The following NEXN variants were observed in gnomAD, a reference collection of about 807,000 sequenced individuals.
The protein encoded by NEXN is nexilin F-actin binding protein, also known as nexilin.
A neutral mutation model predicts 92.6 loss-of-function variants in NEXN; 65 were observed. The ratio of observed to expected loss-of-function variants is 0.70; its 90% CI spans 0.57 to 0.86. NEXN has a LOEUF of 0.86. NEXN is among the 40% of genes least tolerant of loss of function. The pLI is 0.00. For synonymous variants in NEXN, 254 were observed against 242.5 expected, an observed-to-expected ratio of 1.05 and a Z score of -0.44; for missense variants, 778 against 771.1, an observed-to-expected ratio of 1.01 and a Z score of -0.11.
At chr1:77,921,699 C>T (rs1189190419) in intron 5 of NEXN, among the ~76,000 whole-genome samples, 2 of 152,214 alleles carry the variant, frequency 1.3e-5, no homozygotes, top group East Asian at 3.9e-4. Flanking sequence ...TGCTTGAGCT[C>T]AGGAGCTCAA....
chr1:77,916,512 C>A (rs968513117), intron 2 of NEXN, among the ~76,000 whole-genome samples: 11 of 152,030 alleles, frequency 7.2e-5, no homozygotes, highest in African/African-American at 2.7e-4. Context: ...AGGTAAGGAA[C>A]CTTTTTAGTG....
At chr1:77,904,959 T>C (rs1173714330) in intron 1 of NEXN, among the ~76,000 whole-genome samples, 2 of 152,160 alleles carry the variant, frequency 1.3e-5, no homozygotes, top group African/African-American at 4.8e-5. Context: ...CCTGGCATAG[T>C]AGATGCTTAA....
chr1:77,929,651 G>A (rs778100112), intron 9 of NEXN, 147 bp downstream of exon 9: 30 of 1,060,752 alleles, frequency 2.8e-5, no homozygotes, highest in Non-Finnish European at 4.1e-5. Context: ...GTCTCCCATG[G>A]AATAACACCA....
chr1:77,892,914 T>C (rs991215350), intron 1 of NEXN, among the ~76,000 whole-genome samples: 1 of 151,440 alleles, frequency 6.6e-6, no homozygotes, highest in Non-Finnish European at 1.5e-5. Context: ...TCACCCAGGC[T>C]AGAGTGCAGT....
chr1:77,941,736 G>C, intron 11 of NEXN: 1 of 429,812 alleles, frequency 2.3e-6, no homozygotes, highest in Non-Finnish European at 4.3e-6. Context: ...TCAGTTAAGT[G>C]CTATCAAAAC....
At position 77,917,628 on chromosome 1, in the gene NEXN, T is replaced by C; in HGVS notation, c.90T>C (p.Asp30=). 2 of 1,613,446 alleles carry C rather than the reference T, an allele frequency of 1.2e-6. No individual in the cohort carries two copies. Among genetic ancestry groups the C allele is most frequent in the South Asian group, 2.2e-5 (2 of 91,008 alleles). The change falls in exon 3 of 13, where the codon GAT becomes GAC. Residue 30 remains aspartate, a synonymous_variant. Transcript: ENST00000334785. ...KTYVPKLGKG[D]VKDKFEAMQR... is the part of the protein sequence containing the mutation. The stretch of plus-strand genomic sequence containing the variant: ...ATGTACCAAAACTTGGCAAGGGTGA[T>C]GTAAAGGATAAGTTTGAAGCCATGC...
intron 1 of NEXN, among the ~76,000 whole-genome samples, chr1:77,890,649 T>C (rs943443456): frequency 9.9e-5 from 15 of 152,090 alleles, no homozygotes; most frequent in Admixed American, 9.8e-4. Flanking sequence ...TGGAAGACAT[T>C]AATTGGGGAT....
At chr1:77,935,612 C>T (rs1260575210) in intron 10 of NEXN, among the ~76,000 whole-genome samples, 2 of 152,254 alleles carry the variant, frequency 1.3e-5, no homozygotes, top group Non-Finnish European at 1.5e-5. Flanking sequence ...AAATAGTGCA[C>T]ATCTTTTGGA....
rs1458693491 is a variant in NEXN at position 77,936,034 on chromosome 1, A to G, written c.1463A>G (p.Asn488Ser). Reference sequence around the variant, plus strand: ...GAAATTAAAGAGCGAGAAGCTGAAAATTTTCATGAGGTATATTACCTTTAT... The same window carrying G: ...GAAATTAAAGAGCGAGAAGCTGAAAGTTTTCATGAGGTATATTACCTTTAT... ...DLEIKEREAE[N>S]FHEEDDVDVR... Residue 488 changes from asparagine (N) to serine (S), a missense_variant, in exon 11 of 13, where the codon AAT becomes AGT. This residue lies in a region of NEXN where 532 missense variants were observed against 476.7 expected (regional missense o/e 1.12). Coordinates refer to ENST00000334785, the MANE Select transcript of NEXN (RefSeq NM_144573.4). The G allele has an allele frequency of 3.1e-6, 5 of 1,609,804 alleles. No homozygotes were observed. The highest frequency in any genetic ancestry group is 1.7e-6 in the Non-Finnish European group (2 of 1,176,500).
rs1402442744 is a variant in NEXN at position 77,926,887 on chromosome 1, C to T, written c.859C>T (p.Gln287Ter). 1 of 1,613,782 alleles carries T rather than the reference C, an allele frequency of 6.2e-7. No individual in the cohort carries two copies. The highest frequency in any genetic ancestry group is 1.3e-5 in the African/African-American group (1 of 75,010). Residue 287 changes from glutamine to a stop codon, truncating the protein, a stop_gained, in exon 8 of 13, where the codon CAA becomes TAA. Transcript: ENST00000334785. LOFTEE classifies it high-confidence loss of function. Reference sequence around the variant, plus strand: ...GCGTGCTTTTGAAGAAGCAAGGCGGCAAATGGTAAATCTACATATTTAAAC... The same window carrying T: ...GCGTGCTTTTGAAGAAGCAAGGCGGTAAATGGTAAATCTACATATTTAAAC... ...EKRAFEEARR[Q>*]MVNEDEENQD...
At chr1:77,936,081 G>C (rs748737710) in intron 11 of NEXN, 37 bp downstream of exon 11, 1 of 1,419,242 alleles carries the variant, frequency 7.0e-7, no homozygotes, top group Non-Finnish European at 9.9e-7. Flanking sequence ...TTATGGTACA[G>C]TAATGATAAT....
At chr1:77,928,673 TA>T (rs1212937022) in intron 8 of NEXN, among the ~76,000 whole-genome samples, 98 of 147,186 alleles carry the variant, frequency 6.7e-4, no homozygotes, top group Admixed American at 1.0e-3. Flanking sequence ...TAGTTCACAG[TA>T]AAAAAAAAAA....
At position 77,925,248 on chromosome 1, in the gene NEXN, T is replaced by C. The variant is rs371263858; in HGVS notation, c.489+19T>C. 13 of 1,560,078 alleles carry C rather than the reference T, an allele frequency of 8.3e-6. No homozygotes were observed. The highest frequency in any genetic ancestry group is 1.1e-5 in the Non-Finnish European group (13 of 1,133,248). Reference sequence around the variant, plus strand: ...ATCAGAGGTAAACAGACATTTCCTTTAATGAAACATTCACCTAAAATTATC... The same window carrying C: ...ATCAGAGGTAAACAGACATTTCCTTCAATGAAACATTCACCTAAAATTATC... On this transcript the variant is annotated intron_variant, in intron 6 of 12. Transcript: ENST00000334785.
chr1:77,904,132 A>G (rs1647926971), intron 1 of NEXN, among the ~76,000 whole-genome samples: 1 of 151,996 alleles, frequency 6.6e-6, no homozygotes, highest in Non-Finnish European at 1.5e-5. Context: ...AGCTGACATA[A>G]CAGGTATCTG....
chr1:77,933,324 C>T lies in NEXN; in HGVS notation c.1096C>T (p.Gln366Ter). The change falls in exon 10 of 13, where the codon CAA becomes TAA. Residue 366 changes from glutamine (Q) to a stop codon, truncating the protein, a stop_gained. Coordinates refer to ENST00000334785, the MANE Select transcript of NEXN (RefSeq NM_144573.4). LOFTEE classifies it high-confidence loss of function. ...DSPEMYKTIS[Q>*]EFLTPGKLEI... ...CCCAGAGATGTATAAGACAATCTCT[C>T]AAGAATTTCTTACACCGGGAAAACT... 1 of 1,608,070 alleles carries T rather than the reference C, an allele frequency of 6.2e-7. No individual in the cohort carries two copies. Among genetic ancestry groups the T allele is most frequent in the Non-Finnish European group, 8.5e-7 (1 of 1,176,116 alleles).
intron 1 of NEXN, among the ~76,000 whole-genome samples, chr1:77,893,981 C>A (rs1427403602): frequency 6.6e-6 from 1 of 152,110 alleles, no homozygotes; most frequent in Non-Finnish European, 1.5e-5. Flanking sequence ...CCATTCGCCA[C>A]CACGCCTGGC....
At chr1:77,938,084 G>A (rs1359081126) in intron 11 of NEXN, among the ~76,000 whole-genome samples, 2 of 152,060 alleles carry the variant, frequency 1.3e-5, no homozygotes, top group Admixed American at 1.3e-4. Context: ...AACAATACGG[G>A]AAACCAGACT....
chr1:77,916,158 A>G, intron 2 of NEXN, 25 bp downstream of exon 2: 1 of 1,575,978 alleles, frequency 6.3e-7, no homozygotes, highest in Non-Finnish European at 8.7e-7. Flanking sequence ...TAAAAATAAA[A>G]ATAAAAGAGG....
At chr1:77,937,462 G>A (rs535803044) in intron 11 of NEXN, among the ~76,000 whole-genome samples, 35 of 152,180 alleles carry the variant, frequency 2.3e-4, no homozygotes, top group Non-Finnish European at 4.4e-4. Flanking sequence ...GGCCGAGGTG[G>A]GTGGATCACC....
Sources: allele counts gnomAD v4.1 joint callset (sites outside exome capture counted in the v4.1 genomes callset), GRCh38; gene constraint gnomAD v4.1.1; regional missense constraint gnomAD v4.1.1; transcripts MANE v1.5; gene names NCBI Gene and HGNC (gene_info 2026-07-23, HGNC 2026-07-21).